The following CCDC149 variants were observed in gnomAD, a reference collection of about 807,000 sequenced individuals.
CCDC149 encodes the protein coiled-coil domain-containing protein 149.
Under a neutral mutation model 59.9 loss-of-function variants are expected in CCDC149, and 45 were observed. The ratio of observed to expected loss-of-function variants is 0.75; its 90% CI spans 0.59 to 0.96. The LOEUF is 0.96. Ranked by LOEUF, CCDC149 falls within the 40% of genes least tolerant of loss-of-function variation. CCDC149 has a pLI of 0.00. For synonymous variants in CCDC149, 245 were observed against 260.6 expected, an observed-to-expected ratio of 0.94 and a Z score of 0.58; for missense variants, 584 against 664.7, an observed-to-expected ratio of 0.88 and a Z score of 1.33.
chr4:24,911,915 T>C (rs895963331), intron 1 of CCDC149, among the ~76,000 whole-genome samples: 1 of 152,214 alleles, frequency 6.6e-6, no homozygotes, highest in African/African-American at 2.4e-5. Context: ...AAGCCCCAAG[T>C]TGGCCTTGGC....
chr4:24,838,778 TAA>T lies in CCDC149; in HGVS notation c.373-508_373-507del, dbSNP rs372190574. ...AGATTGCACTGTTATTTAAAGAGTT[TAA>T]AAAAAAAAAACAAAAAAAAACCAAC... is the stretch of plus-strand genomic sequence containing the variant. On this transcript the variant is annotated intron_variant, in intron 4 of 12. Coordinates refer to ENST00000635206, the MANE Select transcript of CCDC149 (RefSeq NM_001330643.2). 4.4e-5 allele frequency among the ~76,000 whole-genome samples: 6 copies of T among 137,334 alleles called. No individual in the cohort carries two copies. In the East Asian group the frequency reaches 6.2e-4, roughly 14 times the overall value. 90.1% of individuals were successfully genotyped at this position (137,334 alleles called of 152,430 possible). A position where few individuals can be genotyped will look rare whatever the true frequency, so the allele number is the denominator to read the frequency against.
chr4:24,909,419 C>A lies in CCDC149; in HGVS notation c.63+3398G>T, dbSNP rs546023833. ...ACACTCTTCCCTGAATCTTACCTGTCTGGTACCAGACCCAGTCACACCCAT... is the reference window on the plus strand; with the variant it reads ...ACACTCTTCCCTGAATCTTACCTGTATGGTACCAGACCCAGTCACACCCAT... On this transcript the variant is annotated intron_variant, in intron 1 of 12. Coordinates refer to ENST00000635206, the MANE Select transcript of CCDC149 (RefSeq NM_001330643.2). 8.5e-5 allele frequency among the ~76,000 whole-genome samples: 13 copies of A among 152,324 alleles called. No homozygotes were observed. The South Asian group carries it at 2.7e-3, about 32-fold the overall frequency.
At chr4:24,897,370 G>A (rs1000444742) in intron 1 of CCDC149, among the ~76,000 whole-genome samples, 4 of 152,174 alleles carry the variant, frequency 2.6e-5, no homozygotes, top group African/African-American at 9.7e-5. Flanking sequence ...ATGAAAGTAA[G>A]AAAGGCCTTA....
intron 3 of CCDC149, among the ~76,000 whole-genome samples, chr4:24,865,871 G>A (rs927414962): frequency 7.9e-5 from 12 of 152,180 alleles, no homozygotes; most frequent in African/African-American, 1.4e-4. Flanking sequence ...TTATGGGAAG[G>A]TGCATTAGTC....
At chr4:24,880,032 G>A (rs1280893497) in intron 1 of CCDC149, among the ~76,000 whole-genome samples, 4 of 152,152 alleles carry the variant, frequency 2.6e-5, no homozygotes, top group African/African-American at 9.7e-5. Context: ...TGTAGCTTTT[G>A]GGATTCTAAA....
chr4:24,948,224 C>T (rs1240339364), intron 1 of CCDC149, among the ~76,000 whole-genome samples: 2 of 152,160 alleles, frequency 1.3e-5, no homozygotes, highest in African/African-American at 2.4e-5. Context: ...AGGATGTTCT[C>T]GAGGACAAAT....
At chr4:24,943,305 A>T (rs1260673947) in intron 1 of CCDC149, among the ~76,000 whole-genome samples, 1 of 152,060 alleles carries the variant, frequency 6.6e-6, no homozygotes, top group Non-Finnish European at 1.5e-5. Context: ...GAGAAAAACA[A>T]GCAATGGGGA....
chr4:24,959,292 A>G (rs1723570716), intron 1 of CCDC149, among the ~76,000 whole-genome samples: 1 of 152,130 alleles, frequency 6.6e-6, no homozygotes, highest in Admixed American at 6.5e-5. Flanking sequence ...TTTTTTTAAT[A>G]TAAAGAATAT....
chr4:24,912,687 G>C (rs1290403764), intron 1 of CCDC149, 130 bp downstream of exon 1: 10 of 527,046 alleles, frequency 1.9e-5, no homozygotes, highest in Admixed American at 1.1e-4. Flanking sequence ...GCGCGGGTGC[G>C]GCAGCCGCGG....
At chr4:24,831,305 T>C (rs1577390385) in intron 9 of CCDC149, 1 of 580,114 alleles carries the variant, frequency 1.7e-6, no homozygotes. Flanking sequence ...GCTGGTACCC[T>C]TTCCTTGCTT....
intron 1 of CCDC149, among the ~76,000 whole-genome samples, chr4:24,881,622 C>T (rs1719845712): frequency 6.6e-6 from 1 of 152,204 alleles, no homozygotes; most frequent in African/African-American, 2.4e-5. Flanking sequence ...CATCCTGACT[C>T]ATATGGTCTG....
upstream of CCDC149, among the ~76,000 whole-genome samples, chr4:24,916,417 G>A (rs917344206): frequency 1.3e-5 from 2 of 152,208 alleles, no homozygotes; most frequent in Non-Finnish European, 2.9e-5. Context: ...GATTGGGAAA[G>A]AAAGGATGAT....
At chr4:24,834,318 G>C (rs573349953) in intron 8 of CCDC149, among the ~76,000 whole-genome samples, 1 of 152,244 alleles carries the variant, frequency 6.6e-6, no homozygotes, top group East Asian at 1.9e-4. Context: ...TGAATATTAA[G>C]TGTCAGAAGC....
intron 1 of CCDC149, among the ~76,000 whole-genome samples, chr4:24,947,400 G>A (rs1185734719): frequency 1.3e-5 from 2 of 152,152 alleles, no homozygotes; most frequent in Non-Finnish European, 2.9e-5. Flanking sequence ...TGCCATGACT[G>A]TAGGTTTCCT....
At chr4:24,851,393 G>C (rs1717646294) in intron 4 of CCDC149, among the ~76,000 whole-genome samples, 1 of 152,210 alleles carries the variant, frequency 6.6e-6, no homozygotes, top group Admixed American at 6.5e-5. Flanking sequence ...CTCCTGAGTA[G>C]CTGGGACTAC....
intron 4 of CCDC149, among the ~76,000 whole-genome samples, chr4:24,850,342 C>A (rs777914172): frequency 2.6e-5 from 4 of 152,132 alleles, no homozygotes; most frequent in Non-Finnish European, 4.4e-5. Flanking sequence ...GTCGGTGCCA[C>A]GCAAGTGAGA....
chr4:24,857,188 A>G (rs1334961002), intron 3 of CCDC149, among the ~76,000 whole-genome samples: 1 of 152,218 alleles, frequency 6.6e-6, no homozygotes, highest in East Asian at 1.9e-4. Context: ...TCACTGACCA[A>G]TGTAACTGCA....
chr4:24,860,105 T>C (rs1001640400), intron 3 of CCDC149, among the ~76,000 whole-genome samples: 9 of 152,068 alleles, frequency 5.9e-5, no homozygotes, highest in African/African-American at 1.2e-4. Context: ...CTAACATTCA[T>C]ATGGAACCAA....
At chr4:24,962,442 C>T (rs1472340337) in intron 1 of CCDC149, among the ~76,000 whole-genome samples, 2 of 152,198 alleles carry the variant, frequency 1.3e-5, no homozygotes, top group Non-Finnish European at 2.9e-5. Context: ...ACCATTTGAC[C>T]TAGCCATCCC....
Sources: allele counts gnomAD v4.1 joint callset (sites outside exome capture counted in the v4.1 genomes callset), GRCh38; gene constraint gnomAD v4.1.1; transcripts MANE v1.5; gene names NCBI Gene and HGNC (gene_info 2026-07-23, HGNC 2026-07-21).